The following RREB1 variants were observed in gnomAD, a reference collection of about 807,000 sequenced individuals.
RREB1 encodes ras-responsive element-binding protein 1.
A neutral mutation model predicts 117.8 loss-of-function variants in RREB1; 27 were observed. The observed-to-expected ratio is 0.23, with a 90% confidence interval of 0.17 to 0.32. RREB1 has a LOEUF of 0.32. Ranked by LOEUF, RREB1 falls within the 10% of genes least tolerant of loss-of-function variation. The pLI is 1.00. For synonymous variants in RREB1, 1,298 were observed against 1,026.7 expected, an observed-to-expected ratio of 1.26 and a Z score of -5.05; for missense variants, 2,577 against 2,378.2, an observed-to-expected ratio of 1.08 and a Z score of -1.74.
At chr6:7,179,553 T>C (rs118030970) in intron 2 of RREB1, among the ~76,000 whole-genome samples, 5 of 152,308 alleles carry the variant, frequency 3.3e-5, no homozygotes, top group East Asian at 1.9e-4. Flanking sequence ...GAGGGAGATA[T>C]ACGTATTTAA....
Position 7,246,947 on chromosome 6 carries a change from GC to G in RREB1, c.4503del (p.Glu1502ArgfsTer81). On this transcript the variant is annotated frameshift_variant, in exon 12 of 13. Coordinates refer to ENST00000379938, the MANE Select transcript of RREB1 (RefSeq NM_001003699.4). LOFTEE classifies it high-confidence loss of function. Reference sequence around the variant, plus strand: ...AGCCCGCCCCTGAACAGGAGGAGAAGCCCCCCGAGACCCCGGCAGAGGTGGT... The same window carrying G: ...AGCCCGCCCCTGAACAGGAGGAGAAGCCCCCGAGACCCCGGCAGAGGTGGT... ...PQPAPEQEEKPPETPAEVVES... is the reference protein window; with the variant it reads ...PQPAPEQEEKXPETPAEVVES... The G allele has an allele frequency of 1.3e-6, 2 of 1,559,748 alleles. No individual in the cohort carries two copies. Among genetic ancestry groups the G allele is most frequent in the Non-Finnish European group, 8.7e-7 (1 of 1,153,472 alleles).
At position 7,230,694 on chromosome 6, in the gene RREB1, C is replaced by T; in HGVS notation, c.2595C>T (p.Pro865=). The change falls in exon 10 of 13, where the codon CCC becomes CCT. Residue 865 remains proline (P), a synonymous_variant. Transcript: ENST00000379938. ...AGCCCCTCACTGCCTTCCTGGAACCCCAGAACGGCTTTCTTCACAGGGGCC... is the reference window on the plus strand; with the variant it reads ...AGCCCCTCACTGCCTTCCTGGAACCTCAGAACGGCTTTCTTCACAGGGGCC... ...DCKPLTAFLE[P]QNGFLHRGPT... 6.3e-7 allele frequency: 1 copy of T among 1,594,040 alleles called. No individual in the cohort carries two copies. Among genetic ancestry groups the T allele is most frequent in the Non-Finnish European group, 8.6e-7 (1 of 1,169,426 alleles).
chr6:7,124,555 C>T (rs1277713610), intron 1 of RREB1, among the ~76,000 whole-genome samples: 2 of 152,164 alleles, frequency 1.3e-5, no homozygotes, highest in African/African-American at 4.8e-5. Flanking sequence ...ATTAATCTGT[C>T]TAGAGTACTT....
At chr6:7,111,065 C>G (rs2113274545) in intron 1 of RREB1, among the ~76,000 whole-genome samples, 1 of 152,284 alleles carries the variant, frequency 6.6e-6, no homozygotes, top group South Asian at 2.1e-4. Flanking sequence ...CGGGCAGACT[C>G]CCAAGGCCTT....
At chr6:7,146,194 G>T (rs1185282851) in intron 1 of RREB1, among the ~76,000 whole-genome samples, 1 of 152,236 alleles carries the variant, frequency 6.6e-6, no homozygotes, top group Non-Finnish European at 1.5e-5. Context: ...GGAGCCTGTT[G>T]TGTGAGAAGC....
chr6:7,242,645 C>CA (rs1768775995), intron 11 of RREB1, among the ~76,000 whole-genome samples: 1 of 151,592 alleles, frequency 6.6e-6, no homozygotes, highest in South Asian at 2.1e-4. Flanking sequence ...TCTGGGTTCC[C>CA]CCCCCCCAGT....
At chr6:7,203,325 C>T (rs895693313) in intron 6 of RREB1, among the ~76,000 whole-genome samples, 6 of 152,202 alleles carry the variant, frequency 3.9e-5, no homozygotes, top group Non-Finnish European at 8.8e-5. Flanking sequence ...CCACTGCACT[C>T]TAGCCTGGGT....
At chr6:7,198,392 T>C (rs1336557369) in intron 6 of RREB1, among the ~76,000 whole-genome samples, 1 of 152,226 alleles carries the variant, frequency 6.6e-6, no homozygotes, top group Admixed American at 6.5e-5. Context: ...GAAATACTTC[T>C]ATGGAAAAGA....
chr6:7,117,399 T>G (rs1222662875), intron 1 of RREB1, among the ~76,000 whole-genome samples: 20 of 28,878 alleles, frequency 6.9e-4, no homozygotes, highest in South Asian at 1.4e-3. Flanking sequence ...TTTTTTTTTT[T>G]TTTTTTTTTT....
intron 1 of RREB1, among the ~76,000 whole-genome samples, chr6:7,117,744 A>G (rs1288912297): frequency 6.6e-6 from 1 of 151,826 alleles, no homozygotes; most frequent in Non-Finnish European, 1.5e-5. Context: ...TTTATTTTTT[A>G]TTTTTTTGGA....
chr6:7,139,638 CAAA>C (rs575140292), intron 1 of RREB1, among the ~76,000 whole-genome samples: 211 of 150,962 alleles, frequency 1.4e-3, no homozygotes, highest in African/African-American at 4.9e-3. Flanking sequence ...GTTGGGCCTT[CAAA>C]AAAAAGTATG....
At chr6:7,235,529 T>C (rs1768262075) in intron 10 of RREB1, among the ~76,000 whole-genome samples, 1 of 152,262 alleles carries the variant, frequency 6.6e-6, no homozygotes, top group Admixed American at 6.5e-5. Context: ...GGTCTCACCA[T>C]GTTACCCAGG....
intron 8 of RREB1, among the ~76,000 whole-genome samples, chr6:7,222,572 G>A (rs184642971): frequency 5.5e-4 from 83 of 152,194 alleles, no homozygotes; most frequent in East Asian, 2.5e-3. Flanking sequence ...CACCTACTAC[G>A]TATGAAGGTG....
At chr6:7,127,714 CTG>C (rs915714426) in intron 1 of RREB1, among the ~76,000 whole-genome samples, 1 of 152,166 alleles carries the variant, frequency 6.6e-6, no homozygotes, top group African/African-American at 2.4e-5. Flanking sequence ...CTTGATGACT[CTG>C]TGGGTGATGG....
At chr6:7,151,878 T>C (rs1005029722) in intron 1 of RREB1, among the ~76,000 whole-genome samples, 1 of 152,234 alleles carries the variant, frequency 6.6e-6, no homozygotes, top group South Asian at 2.1e-4. Context: ...TCCCAGGAAT[T>C]TACTTATAGT....
chr6:7,189,015 CAGAA>C, intron 5 of RREB1, 140 bp from the exon 6 acceptor site: 1 of 740,512 alleles, frequency 1.4e-6, no homozygotes, highest in Non-Finnish European at 2.1e-6. Flanking sequence ...TTTACCCCTT[CAGAA>C]AGATATTTAA....
intron 1 of RREB1, among the ~76,000 whole-genome samples, chr6:7,127,643 G>A (rs1173348839): frequency 6.6e-6 from 1 of 152,208 alleles, no homozygotes; most frequent in Non-Finnish European, 1.5e-5. Context: ...AGTTTGGTGT[G>A]TCAGTTGGGA....
intron 1 of RREB1, among the ~76,000 whole-genome samples, chr6:7,117,093 C>T (rs551796383): frequency 7.9e-5 from 12 of 152,246 alleles, no homozygotes; most frequent in Admixed American, 5.2e-4. Flanking sequence ...CAGAAATCTA[C>T]AGGGTATAAA....
chr6:7,243,341 G>T (rs367856196), intron 11 of RREB1, among the ~76,000 whole-genome samples: 1 of 152,208 alleles, frequency 6.6e-6, no homozygotes, highest in Non-Finnish European at 1.5e-5. Context: ...GAGGAGCTGC[G>T]GGTTTATTAT....
Sources: gnomAD v4.1 joint callset for allele counts (sites outside exome capture counted in the v4.1 genomes callset) on GRCh38, gnomAD v4.1.1 for gene constraint, MANE v1.5 for transcripts, NCBI Gene and HGNC (gene_info 2026-07-23, HGNC 2026-07-21) for gene names.